Variants in FREM1 observed in about 807,000 individuals in gnomAD.
FREM1 encodes FRAS1 related extracellular matrix 1.
Under a neutral mutation model 210.1 loss-of-function variants are expected in FREM1, and 220 were observed. The observed-to-expected ratio is 1.05, with a 90% confidence interval of 0.94 to 1.17. FREM1 has a LOEUF of 1.17. Ranked by LOEUF, FREM1 falls within the 50% of genes most tolerant of loss-of-function variation. FREM1 has a pLI of 0.00. For synonymous variants in FREM1, 1,189 were observed against 980.2 expected (o/e 1.21, Z -3.98); for missense variants, 3,454 against 2,675.5 (o/e 1.29, Z -6.42).
At chr9:14,781,699 GC>G (rs948179201) in intron 24 of FREM1, among the ~76,000 whole-genome samples, 5 of 152,078 alleles carry the variant, frequency 3.3e-5, no homozygotes, top group African/African-American at 1.2e-4. Context: ...CCCTAAAAAG[GC>G]TTCTATAAAT....
intron 1 of FREM1, among the ~76,000 whole-genome samples, chr9:14,903,818 C>A (rs186307569): frequency 0.027 from 4,114 of 152,174 alleles, 192 homozygotes; most frequent in African/African-American, 0.092. Flanking sequence ...TGAGCTCTTT[C>A]TATTAAAACT....
chr9:14,780,000 C>T (rs1017717411), intron 24 of FREM1, among the ~76,000 whole-genome samples: 3 of 152,098 alleles, frequency 2.0e-5, no homozygotes, highest in African/African-American at 7.2e-5. Flanking sequence ...ATAAAGCTAG[C>T]AGTACACGTG....
chr9:14,795,869 G>A (rs943625325), intron 21 of FREM1, among the ~76,000 whole-genome samples: 2 of 152,112 alleles, frequency 1.3e-5, no homozygotes, highest in African/African-American at 4.8e-5. Flanking sequence ...CCCCTCTCCA[G>A]TGGATGCCCC....
chr9:14,882,912 C>CAAAAAAAAAAAAA (rs71323913), intron 1 of FREM1, among the ~76,000 whole-genome samples: 15,120 of 44,918 alleles, frequency 0.34, 5,091 homozygotes, highest in East Asian at 0.69. Context: ...GACTCCATCT[C>CAAAAAAAAAAAAA]AAAAAAAAAA....
At chr9:14,791,072 A>G (rs1054913987) in intron 22 of FREM1, 1 of 152,234 alleles carries the variant, frequency 6.6e-6, no homozygotes, top group Non-Finnish European at 1.5e-5. Flanking sequence ...TAAGCATTCC[A>G]TCAAATAATT....
chr9:14,870,137 T>A (rs76746864), intron 1 of FREM1, among the ~76,000 whole-genome samples: 3,179 of 152,320 alleles, frequency 0.021, 83 homozygotes, highest in East Asian at 0.13. Flanking sequence ...AGAAAGGCCT[T>A]CCATGTTAAT....
intron 27 of FREM1, among the ~76,000 whole-genome samples, chr9:14,760,280 G>C (rs184418026): frequency 2.6e-4 from 40 of 152,316 alleles, no homozygotes; most frequent in Admixed American, 1.0e-3. Context: ...AAAAGACACT[G>C]ATAGGAAGTC....
At chr9:14,840,320 A>G (rs561505563) in intron 10 of FREM1, among the ~76,000 whole-genome samples, 1 of 152,348 alleles carries the variant, frequency 6.6e-6, no homozygotes, top group South Asian at 2.1e-4. Flanking sequence ...CGTACATAGT[A>G]GGTTTATTAG....
At chr9:14,823,991 T>A (rs1434613692) in intron 12 of FREM1, 34 bp downstream of exon 12, 4 of 1,365,656 alleles carry the variant, frequency 2.9e-6, no homozygotes, top group Middle Eastern at 1.8e-4. Flanking sequence ...CACACTTGCA[T>A]CATGTTTGTC....
At chr9:14,753,093 T>G (rs1252600779) in intron 29 of FREM1, among the ~76,000 whole-genome samples, 2 of 152,336 alleles carry the variant, frequency 1.3e-5, no homozygotes, top group Non-Finnish European at 1.5e-5. Flanking sequence ...CTCTTTCACT[T>G]TCAAGGTGCA....
At chr9:14,766,022 C>G (rs1846334461) in intron 27 of FREM1, among the ~76,000 whole-genome samples, 1 of 152,066 alleles carries the variant, frequency 6.6e-6, no homozygotes, top group African/African-American at 2.4e-5. Flanking sequence ...TCAACTTGGA[C>G]TAGAAAACAG....
intron 34 of FREM1, 60 bp downstream of exon 34, chr9:14,746,863 T>C: frequency 1.9e-6 from 3 of 1,567,178 alleles, no homozygotes; most frequent in Non-Finnish European, 2.6e-6. Flanking sequence ...TTCCCCTCTA[T>C]TAGCTTATCA....
Position 14,737,555 on chromosome 9 carries a change from G to A in FREM1, c.6381C>T (p.Ile2127=), listed in dbSNP as rs758186171. 11 of 1,602,004 alleles carry A rather than the reference G, an allele frequency of 6.9e-6. No homozygotes were observed. The highest frequency in any genetic ancestry group is 2.2e-5 in the East Asian group (1 of 44,606). ...TGGTGAAGGCAACAGGTTCACCACC[G>A]ATCCACTCCCAGTGGCCAGCATGCA... The part of the protein sequence containing the change: ...DQVHAGHWEW[I]GGEPVAFTNG... The change falls in exon 37 of 37, where the codon ATC becomes ATT. Residue 2127 remains isoleucine, a synonymous_variant. Transcript: ENST00000380880.
In FREM1 at chr9:14,882,604, G is replaced by A. The variant is rs112000314; in HGVS notation, c.-267-13360C>T. Among the ~76,000 whole-genome samples the A allele has an allele frequency of 1.1e-4, 16 of 151,066 alleles. 1 individual carries two copies. Among genetic ancestry groups the A allele is most frequent in the Middle Eastern group, 3.4e-3 (1 of 294 alleles). On this transcript the variant is annotated intron_variant, in intron 1 of 36. Transcript: ENST00000380880. Reference sequence around the variant, plus strand: ...CTAGCAGCTGGGATTACAGGTGCCCGCCACTACGCCTGGCTAATTTTTGTA... The same window carrying A: ...CTAGCAGCTGGGATTACAGGTGCCCACCACTACGCCTGGCTAATTTTTGTA...
At chr9:14,835,859 C>G (rs1824480230) in intron 10 of FREM1, among the ~76,000 whole-genome samples, 1 of 152,200 alleles carries the variant, frequency 6.6e-6, no homozygotes, top group South Asian at 2.1e-4. Context: ...TGCTCCAAAA[C>G]TTATCATACA....
intron 1 of FREM1, among the ~76,000 whole-genome samples, chr9:14,905,997 G>T (rs1036728167): frequency 6.6e-6 from 1 of 152,090 alleles, no homozygotes; most frequent in African/African-American, 2.4e-5. Flanking sequence ...CCAGACATTG[G>T]GATCTGGAAT....
chr9:14,749,493 T>C (rs974176895), intron 30 of FREM1, among the ~76,000 whole-genome samples: 2 of 152,100 alleles, frequency 1.3e-5, no homozygotes, highest in Admixed American at 6.5e-5. Flanking sequence ...CGAACACTCG[T>C]CAAATGCTAA....
chr9:14,872,996 G>C (rs1588511548), intron 1 of FREM1, among the ~76,000 whole-genome samples: 1 of 151,456 alleles, frequency 6.6e-6, no homozygotes, highest in Non-Finnish European at 1.5e-5. Flanking sequence ...TATTGAACCA[G>C]CCTTGCATCC....
Position 14,792,929 on chromosome 9 carries a change from T to C in FREM1, c.3840-45A>G, listed in dbSNP as rs73644853. ...TGGGTTGATATAAAAATAGAAGATA[T>C]TCCTTTAGTAGGGGACACTTATATT... On this transcript the variant is annotated intron_variant, in intron 21 of 36. Transcript: ENST00000380880. 2.9e-4 allele frequency: 392 copies of C among 1,333,470 alleles called. No homozygotes were observed. The African/African-American group carries it at 5.1e-3, about 17-fold the overall frequency. 82.6% of individuals were successfully genotyped at this position (1,333,470 alleles called of 1,614,324 possible).
Sources: allele counts gnomAD v4.1 joint callset (sites outside exome capture counted in the v4.1 genomes callset), GRCh38; gene constraint gnomAD v4.1.1; transcripts MANE v1.5; gene names NCBI Gene and HGNC (gene_info 2026-07-23, HGNC 2026-07-21).